The following GPM6A variants were observed in gnomAD, a reference collection of about 807,000 sequenced individuals.
GPM6A encodes the protein glycoprotein M6A, also known as neuronal membrane glycoprotein M6-a.
Under a neutral mutation model 32.1 loss-of-function variants are expected in GPM6A, and 7 were observed. The observed-to-expected ratio is 0.22, with a 90% CI of 0.12 to 0.41. The LOEUF (loss-of-function observed/expected upper bound fraction) is 0.41. Ranked by LOEUF, GPM6A falls within the 10% of genes least tolerant of loss-of-function variation. The pLI is 1.00. For synonymous variants in GPM6A, 130 were observed against 123.4 expected (o/e 1.05, Z -0.35); for missense variants, 235 against 347.2 (o/e 0.68, Z 2.57).
intron 1 of GPM6A, chr4:175,808,878 G>A (rs1376473518): frequency 1.3e-5 from 2 of 152,328 alleles, no homozygotes; most frequent in Non-Finnish European, 2.9e-5. Flanking sequence ...AGCCATCAGG[G>A]TTTTGGCTGT....
At chr4:175,715,896 T>C (rs1308891889) in intron 1 of GPM6A, among the ~76,000 whole-genome samples, 2 of 151,792 alleles carry the variant, frequency 1.3e-5, no homozygotes, top group African/African-American at 2.4e-5. Context: ...AGAAACCCCA[T>C]CTCTACTAAA....
chr4:175,900,477 A>C (rs1737928578), intron 1 of GPM6A, among the ~76,000 whole-genome samples: 2 of 146,020 alleles, frequency 1.4e-5, no homozygotes, highest in Admixed American at 7.1e-5. Flanking sequence ...AACCCATCTC[A>C]AAAGAAGACA....
At chr4:175,980,306 C>G (rs1459650472) in intron 1 of GPM6A, among the ~76,000 whole-genome samples, 1 of 152,062 alleles carries the variant, frequency 6.6e-6, no homozygotes, top group African/African-American at 2.4e-5. Context: ...GCAGTGAGCC[C>G]AGATCGTGCC....
At chr4:175,735,078 G>A (rs965985901) in intron 1 of GPM6A, among the ~76,000 whole-genome samples, 1 of 152,056 alleles carries the variant, frequency 6.6e-6, no homozygotes, top group African/African-American at 2.4e-5. Context: ...GTGGCATTTG[G>A]TGCAACTTAT....
At chr4:175,637,074 AT>A (rs1740670813) in intron 6 of GPM6A, among the ~76,000 whole-genome samples, 1 of 120,188 alleles carries the variant, frequency 8.3e-6, no homozygotes, top group South Asian at 2.5e-4. Context: ...TAATATAAAA[AT>A]ATATAACATA....
intron 3 of GPM6A, among the ~76,000 whole-genome samples, chr4:175,671,549 C>T (rs1052631362): frequency 1.6e-5 from 2 of 124,470 alleles, no homozygotes; most frequent in Non-Finnish European, 3.2e-5. Context: ...AGAGGGTGGA[C>T]GATAAATCTT....
chr4:175,949,077 CA>C (rs923402781), intron 1 of GPM6A, among the ~76,000 whole-genome samples: 4 of 150,320 alleles, frequency 2.7e-5, no homozygotes, highest in Admixed American at 6.7e-5. Context: ...ACTAAGAAAT[CA>C]AAAAAAGCTC....
chr4:175,926,993 A>G (rs1157382799), intron 1 of GPM6A, among the ~76,000 whole-genome samples: 2 of 152,244 alleles, frequency 1.3e-5, no homozygotes, highest in South Asian at 2.1e-4. Flanking sequence ...TTAATAAAAT[A>G]CTATTTAAAA....
intron 1 of GPM6A, among the ~76,000 whole-genome samples, chr4:175,849,572 A>C (rs2111399435): frequency 6.6e-6 from 1 of 152,340 alleles, no homozygotes; most frequent in African/African-American, 2.4e-5. Context: ...TGCCCAGATT[A>C]ACATGGAAAC....
intron 2 of GPM6A, among the ~76,000 whole-genome samples, chr4:175,683,489 G>C (rs776593376): frequency 6.6e-6 from 1 of 152,124 alleles, no homozygotes; most frequent in African/African-American, 2.4e-5. Flanking sequence ...AGATTTGGGA[G>C]AGTCCAGGAG....
chr4:175,695,198 A>G (rs1560880061), intron 2 of GPM6A, among the ~76,000 whole-genome samples: 1 of 152,184 alleles, frequency 6.6e-6, no homozygotes, highest in East Asian at 1.9e-4. Context: ...CTAGAGCACT[A>G]TGGAGGGGAA....
chr4:175,931,611 C>A (rs1294156815), intron 1 of GPM6A, among the ~76,000 whole-genome samples: 6 of 151,422 alleles, frequency 4.0e-5, no homozygotes, highest in African/African-American at 1.5e-4. Context: ...AAAATAAAAA[C>A]TTTTCCAGAT....
intron 1 of GPM6A, among the ~76,000 whole-genome samples, chr4:175,924,593 A>G (rs573036118): frequency 6.6e-6 from 1 of 152,318 alleles, no homozygotes; most frequent in African/African-American, 2.4e-5. Context: ...TAATCCCAGT[A>G]CTTTGGGAGG....
chr4:175,750,785 G>A (rs1185805197), intron 1 of GPM6A, among the ~76,000 whole-genome samples: 1 of 151,992 alleles, frequency 6.6e-6, no homozygotes, highest in African/African-American at 2.4e-5. Context: ...TGTTGGCCGG[G>A]CTGGTCTCAA....
At chr4:175,769,341 A>G (rs1025779592) in intron 1 of GPM6A, among the ~76,000 whole-genome samples, 4 of 152,170 alleles carry the variant, frequency 2.6e-5, no homozygotes, top group Non-Finnish European at 5.9e-5. Context: ...ACCTTACTCT[A>G]TATTATTAAA....
chr4:175,937,869 AC>A (rs201371101), intron 1 of GPM6A, among the ~76,000 whole-genome samples: 1 of 152,124 alleles, frequency 6.6e-6, no homozygotes, highest in African/African-American at 2.4e-5. Flanking sequence ...TACAATGAAA[AC>A]AAAAAGCACC....
intron 1 of GPM6A, chr4:175,970,842 A>G (rs1221926644): frequency 2.2e-6 from 1 of 454,654 alleles, no homozygotes; most frequent in Non-Finnish European, 4.4e-6. Flanking sequence ...AGAAGAAGAA[A>G]TCTTCCGATT....
rs1264423978 is a variant in GPM6A, at chr4:175,931,707, C to CAT, written c.-23+70601_-23+70602insAT. Among the ~76,000 whole-genome samples the CAT allele has an allele frequency of 4.4e-4, 63 of 143,812 alleles. 1 individual carries two copies. The highest frequency in any genetic ancestry group is 1.6e-3 in the African/African-American group (57 of 36,504). The allele number at this position is 143,812 out of a possible 152,430, so 94.3% of individuals were successfully genotyped here. A position where few individuals can be genotyped will look rare whatever the true frequency, so the allele number is the denominator to read the frequency against. Reference sequence around the variant, plus strand: ...ACACACACACACACACACACACACACACATATATATATATATATATAGCAG... The same window carrying CAT: ...ACACACACACACACACACACACACACATACATATATATATATATATATAGCAG... On this transcript the variant is annotated intron_variant, in intron 1 of 7. Coordinates refer to the GPM6A transcript ENST00000280187.
chr4:175,793,078 C>T (rs570816062), intron 1 of GPM6A, among the ~76,000 whole-genome samples: 3 of 152,204 alleles, frequency 2.0e-5, no homozygotes, highest in South Asian at 4.1e-4. Flanking sequence ...TTTTCATTTA[C>T]CATTGTATCT....
Sources: gnomAD v4.1 joint callset for allele counts (sites outside exome capture counted in the v4.1 genomes callset) on GRCh38, gnomAD v4.1.1 for gene constraint, MANE v1.5 for transcripts, NCBI Gene and HGNC (gene_info 2026-07-23, HGNC 2026-07-21) for gene names.